LSAMP: variants seen among roughly 807,000 people sequenced by gnomAD.
LSAMP encodes the protein limbic system associated membrane protein.
A neutral mutation model predicts 38.6 loss-of-function variants in LSAMP; 7 were observed. The observed-to-expected ratio is 0.18, with a 90% CI of 0.10 to 0.34. The LOEUF (loss-of-function observed/expected upper bound fraction) is 0.34, where lower values mean the gene tolerates loss of function less well. Among genes scored for constraint, LSAMP ranks in the 10% least tolerant of loss-of-function variants. LSAMP has a pLI of 1.00. For missense variants in LSAMP, 313 were observed against 420.0 expected (o/e 0.75, Z 2.23); for synonymous variants, 154 against 166.8 (o/e 0.92, Z 0.59).
At chr3:116,192,528 C>T (rs1039475266) in intron 1 of LSAMP, among the ~76,000 whole-genome samples, 2 of 152,156 alleles carry the variant, frequency 1.3e-5, no homozygotes, top group African/African-American at 2.4e-5. Flanking sequence ...CAGTCTCACT[C>T]ATTTTCCCTG....
intron 1 of LSAMP, among the ~76,000 whole-genome samples, chr3:116,426,299 CAATATGGTGAAA>C (rs1287766527): frequency 6.6e-6 from 1 of 151,880 alleles, no homozygotes; most frequent in Admixed American, 6.6e-5. Flanking sequence ...CCAGTCTGGC[CAATATGGTGAAA>C]CCCCATCTCT....
At position 116,029,754 on chromosome 3, in the gene LSAMP, T is replaced by C. The variant is rs1405281165; in HGVS notation, c.389-10114A>G. ...AACTGCACAAGTAACTAAAAGTTAG[T>C]GCTTGAAGCTTCAGTTATGTAGTCC... On this transcript the variant is annotated intron_variant, in intron 2 of 6. Transcript: ENST00000490035. Among the ~76,000 whole-genome samples, 4 of 152,132 alleles carry C rather than the reference T, an allele frequency of 2.6e-5. No homozygotes were observed. The South Asian group carries it at 8.3e-4, about 31-fold the overall frequency.
chr3:116,173,558 C>G (rs1013036418), intron 1 of LSAMP, among the ~76,000 whole-genome samples: 1 of 151,888 alleles, frequency 6.6e-6, no homozygotes, highest in Non-Finnish European at 1.5e-5. Flanking sequence ...GGGATAGGAC[C>G]ATTAAAAATG....
At chr3:116,190,364 C>T (rs1710727983) in intron 1 of LSAMP, among the ~76,000 whole-genome samples, 2 of 152,108 alleles carry the variant, frequency 1.3e-5, no homozygotes, top group Admixed American at 1.3e-4. Flanking sequence ...TTATACCCTG[C>T]TGAGAAAAGT....
chr3:115,820,901 A>G (rs922788825), intron 6 of LSAMP, among the ~76,000 whole-genome samples: 1 of 152,192 alleles, frequency 6.6e-6, no homozygotes, highest in Non-Finnish European at 1.5e-5. Context: ...TTGAAGAGCC[A>G]ATGGGGCCAG....
chr3:115,910,482 A>G (rs1045227034), intron 3 of LSAMP, among the ~76,000 whole-genome samples: 4 of 152,312 alleles, frequency 2.6e-5, no homozygotes, highest in African/African-American at 9.6e-5. Flanking sequence ...ATTTTGAGAC[A>G]GCAAAAAAGA....
chr3:116,439,958 T>C (rs1472629144), intron 1 of LSAMP, among the ~76,000 whole-genome samples: 1 of 152,210 alleles, frequency 6.6e-6, no homozygotes, highest in Non-Finnish European at 1.5e-5. Flanking sequence ...CTTGACCTTG[T>C]GATCCCCCCG....
rs570471854 is a variant in LSAMP at position 116,293,588 on chromosome 3, T to TATCA, written c.155+151285_155+151288dup. ...GTGAAATAATTGAGATGAGATTTAT[T>TATCA]ATCATATTGAGTTAGGAAAATGAGG... On this transcript the variant is annotated intron_variant, in intron 1 of 6. Coordinates refer to ENST00000490035, the MANE Select transcript of LSAMP (RefSeq NM_002338.5). Among the ~76,000 whole-genome samples the TATCA allele has an allele frequency of 5.4e-3, 825 of 152,276 alleles. 5 individuals are homozygous for TATCA. Among genetic ancestry groups the TATCA allele is most frequent in the African/African-American group, 0.019 (782 of 41,570 alleles).
intron 2 of LSAMP, among the ~76,000 whole-genome samples, chr3:116,028,997 T>A (rs1940858640): frequency 6.6e-6 from 1 of 152,110 alleles, no homozygotes; most frequent in Non-Finnish European, 1.5e-5. Flanking sequence ...ATACCATGAG[T>A]GAAATAATTT....
intron 1 of LSAMP, among the ~76,000 whole-genome samples, chr3:116,289,752 G>A (rs1306528510): frequency 1.3e-5 from 2 of 151,926 alleles, no homozygotes; most frequent in African/African-American, 2.4e-5. Flanking sequence ...GCACAAACCT[G>A]CTTATTAAGT....
chr3:115,993,858 T>G (rs1481703254), intron 3 of LSAMP, among the ~76,000 whole-genome samples: 1 of 152,080 alleles, frequency 6.6e-6, no homozygotes, highest in Non-Finnish European at 1.5e-5. Flanking sequence ...GAATGTTGAT[T>G]TATCTCAGCA....
intron 1 of LSAMP, among the ~76,000 whole-genome samples, chr3:116,418,585 T>C (rs943689281): frequency 2.6e-5 from 4 of 152,246 alleles, no homozygotes; most frequent in African/African-American, 9.6e-5. Flanking sequence ...TTCTGGATGA[T>C]CCCCTGCTGC....
At chr3:116,406,050 A>T (rs1333087212) in intron 1 of LSAMP, among the ~76,000 whole-genome samples, 1 of 152,142 alleles carries the variant, frequency 6.6e-6, no homozygotes, top group Non-Finnish European at 1.5e-5. Context: ...TTTGCATAGC[A>T]GTTACATTTC....
chr3:115,913,729 A>C (rs1937183774), intron 3 of LSAMP, among the ~76,000 whole-genome samples: 1 of 152,198 alleles, frequency 6.6e-6, no homozygotes, highest in Non-Finnish European at 1.5e-5. Context: ...GTAATGCCTC[A>C]GTTTTGTGGG....
intron 1 of LSAMP, among the ~76,000 whole-genome samples, chr3:116,295,131 T>G (rs1009104233): frequency 6.6e-6 from 1 of 152,190 alleles, no homozygotes; most frequent in Non-Finnish European, 1.5e-5. Context: ...ATCATATCTT[T>G]ATAGTTGAGA....
intron 3 of LSAMP, among the ~76,000 whole-genome samples, chr3:115,862,210 A>T (rs1935726385): frequency 6.6e-6 from 1 of 152,198 alleles, no homozygotes; most frequent in African/African-American, 2.4e-5. Context: ...TGTTATTAGC[A>T]ACTCTGCCAT....
At chr3:116,233,396 G>C (rs1212868306) in intron 1 of LSAMP, among the ~76,000 whole-genome samples, 3 of 124,036 alleles carry the variant, frequency 2.4e-5, no homozygotes, top group African/African-American at 9.6e-5. Context: ...CTGGGCGACA[G>C]AGCGAGACTC....
At chr3:115,815,511 A>G (rs1286104316) in intron 6 of LSAMP, among the ~76,000 whole-genome samples, 2 of 152,206 alleles carry the variant, frequency 1.3e-5, no homozygotes, top group Non-Finnish European at 2.9e-5. Flanking sequence ...TCTCACATTA[A>G]AGTCAGAATC....
At chr3:115,837,731 C>T (rs1934841525) in intron 6 of LSAMP, 1 of 152,226 alleles carries the variant, frequency 6.6e-6, no homozygotes, top group South Asian at 2.1e-4. Flanking sequence ...TGCCCACATA[C>T]ACAGATGCAG....
Sources: allele counts gnomAD v4.1 joint callset (sites outside exome capture counted in the v4.1 genomes callset), GRCh38; gene constraint gnomAD v4.1.1; transcripts MANE v1.5; gene names NCBI Gene and HGNC (gene_info 2026-07-23, HGNC 2026-07-21).